Variants in EXOC4 observed in about 807,000 individuals in gnomAD.
EXOC4 encodes the protein SEC8-like 1.
A neutral mutation model predicts 107.2 loss-of-function variants in EXOC4; 71 were observed. That is an observed-to-expected ratio of 0.66 (90% CI 0.55 to 0.81). The LOEUF is 0.81. EXOC4 is among the 30% of genes least tolerant of loss of function. EXOC4 has a pLI of 0.00. For missense variants in EXOC4, 1,108 were observed against 1,189.6 expected (o/e 0.93, Z 1.01); for synonymous variants, 456 against 441.2 (o/e 1.03, Z -0.42).
chr7:134,072,416 A>G, the EXOC4 span, among the ~76,000 whole-genome samples: 1 of 152,100 alleles, frequency 6.6e-6, no homozygotes, highest in Admixed American at 6.5e-5. Flanking sequence ...TTTTCGAGGC[A>G]GGGTCTCGCT....
chr7:133,520,364 C>G (rs761603643), intron 9 of EXOC4, among the ~76,000 whole-genome samples: 4 of 152,158 alleles, frequency 2.6e-5, no homozygotes, highest in Non-Finnish European at 4.4e-5. Flanking sequence ...GGGACAAACA[C>G]AAAGTCTAGT....
chr7:134,093,287 A>G, the EXOC4 span, among the ~76,000 whole-genome samples: 3 of 152,180 alleles, frequency 2.0e-5, no homozygotes, highest in Non-Finnish European at 4.4e-5. Context: ...ATATCAGATA[A>G]AACAGAGTTA....
intron 10 of EXOC4, among the ~76,000 whole-genome samples, chr7:133,730,784 A>G (rs951774975): frequency 2.0e-5 from 3 of 152,262 alleles, no homozygotes; most frequent in Non-Finnish European, 4.4e-5. Flanking sequence ...ATTATGTGCT[A>G]TATTGGTTTT....
chr7:133,560,114 T>C (rs1467360460), intron 9 of EXOC4, among the ~76,000 whole-genome samples: 2 of 152,184 alleles, frequency 1.3e-5, no homozygotes, highest in African/African-American at 2.4e-5. Context: ...AAGTACTTTC[T>C]CATTTTTTTT....
intron 2 of EXOC4, among the ~76,000 whole-genome samples, chr7:133,275,764 A>G (rs746842691): frequency 1.3e-4 from 19 of 151,748 alleles, no homozygotes; most frequent in Non-Finnish European, 2.2e-4. Flanking sequence ...AGAAAATTTA[A>G]CCTACAAATT....
In EXOC4 at chr7:133,989,785, T is replaced by A. The variant is rs561884404; in HGVS notation, c.2207-7707T>A. Among the ~76,000 whole-genome samples, 3 of 152,166 alleles carry A rather than the reference T, an allele frequency of 2.0e-5. No individual in the cohort carries two copies. In the East Asian group the frequency reaches 5.8e-4, roughly 29 times the overall value. ...GAGGTGGGACTGGAGAAAGTCAGTGTTGAGATTCTTTTGAAGTGTTTGTTG... is the reference window on the plus strand; with the variant it reads ...GAGGTGGGACTGGAGAAAGTCAGTGATGAGATTCTTTTGAAGTGTTTGTTG... On this transcript the variant is annotated intron_variant, in intron 14 of 17. Coordinates refer to ENST00000253861, the MANE Select transcript of EXOC4 (RefSeq NM_021807.4).
At chr7:133,336,291 T>G (rs1387740196) in intron 5 of EXOC4, among the ~76,000 whole-genome samples, 1 of 152,188 alleles carries the variant, frequency 6.6e-6, no homozygotes, top group Non-Finnish European at 1.5e-5. Context: ...CCCCTGTGTT[T>G]TCTTCTGAGA....
intron 3 of EXOC4, among the ~76,000 whole-genome samples, chr7:133,295,131 TG>T (rs1406776050): frequency 6.6e-6 from 1 of 152,158 alleles, no homozygotes; most frequent in Admixed American, 6.5e-5. Flanking sequence ...TCTCAAAAAC[TG>T]CCTTTGAGGT....
At chr7:133,920,775 G>A (rs371265700) in intron 13 of EXOC4, among the ~76,000 whole-genome samples, 26 of 151,998 alleles carry the variant, frequency 1.7e-4, no homozygotes, top group Admixed American at 5.2e-4. Flanking sequence ...GTAGATCCAC[G>A]TTTCTGATCT....
chr7:133,558,985 A>T lies in EXOC4; in HGVS notation c.1418-71060A>T, dbSNP rs544924834. Among the ~76,000 whole-genome samples, 13 of 152,322 alleles carry T rather than the reference A, an allele frequency of 8.5e-5. No individual in the cohort carries two copies. In the East Asian group the frequency reaches 2.3e-3, roughly 27 times the overall value. ...TAGGAGGAGAAATTCTTGATAATAT[A>T]TGGGGGCTATGTAAAATGCTTCTCA... is the stretch of plus-strand genomic sequence containing the variant. On this transcript the variant is annotated intron_variant, in intron 9 of 17. Coordinates refer to ENST00000253861, the MANE Select transcript of EXOC4 (RefSeq NM_021807.4).
intron 17 of EXOC4, among the ~76,000 whole-genome samples, chr7:134,058,926 G>A (rs1040046407): frequency 6.6e-6 from 1 of 152,088 alleles, no homozygotes; most frequent in African/African-American, 2.4e-5. Context: ...TATTTAAAAG[G>A]ATTGAAATGC....
intron 11 of EXOC4, among the ~76,000 whole-genome samples, chr7:133,855,302 A>G (rs1798351810): frequency 6.6e-6 from 1 of 151,024 alleles, no homozygotes; most frequent in South Asian, 2.1e-4. Flanking sequence ...CTACTAATCT[A>G]AACCAGAAAA....
At chr7:133,815,913 C>G (rs1027325715) in intron 10 of EXOC4, among the ~76,000 whole-genome samples, 4 of 152,182 alleles carry the variant, frequency 2.6e-5, no homozygotes, top group Non-Finnish European at 5.9e-5. Flanking sequence ...GTACTTTTAT[C>G]TTTGTTGGCC....
At chr7:133,611,800 G>C (rs535592358) in intron 9 of EXOC4, among the ~76,000 whole-genome samples, 2 of 152,246 alleles carry the variant, frequency 1.3e-5, no homozygotes, top group East Asian at 3.9e-4. Flanking sequence ...ATATTTTAGA[G>C]ATTATTGTTA....
intron 9 of EXOC4, among the ~76,000 whole-genome samples, chr7:133,496,405 A>C (rs973079433): frequency 2.0e-5 from 3 of 152,112 alleles, no homozygotes; most frequent in Non-Finnish European, 4.4e-5. Context: ...GGCCTCAAAC[A>C]GTCCTCCTGC....
intron 10 of EXOC4, among the ~76,000 whole-genome samples, chr7:133,790,559 C>T (rs1459621714): frequency 6.6e-6 from 1 of 152,234 alleles, no homozygotes; most frequent in Non-Finnish European, 1.5e-5. Flanking sequence ...CATTATTTCA[C>T]CCAATTTGTA....
intron 10 of EXOC4, among the ~76,000 whole-genome samples, chr7:133,801,891 C>T (rs1796953044): frequency 6.6e-6 from 1 of 152,098 alleles, no homozygotes; most frequent in Admixed American, 6.5e-5. Context: ...TGCATTTTGC[C>T]CACCCACTTT....
intron 9 of EXOC4, among the ~76,000 whole-genome samples, chr7:133,585,178 C>G (rs1053413049): frequency 2.6e-5 from 4 of 152,174 alleles, no homozygotes; most frequent in Non-Finnish European, 4.4e-5. Context: ...ATTCAAGTCT[C>G]ATTTCCTCTT....
At chr7:133,425,536 C>T (rs2150766459) in intron 7 of EXOC4, among the ~76,000 whole-genome samples, 1 of 152,270 alleles carries the variant, frequency 6.6e-6, no homozygotes, top group Non-Finnish European at 1.5e-5. Context: ...ATCCACCCGC[C>T]TCAGCCTCCC....
Sources: allele counts gnomAD v4.1 joint callset (sites outside exome capture counted in the v4.1 genomes callset), GRCh38; gene constraint gnomAD v4.1.1; transcripts MANE v1.5; gene names NCBI Gene and HGNC (gene_info 2026-07-23, HGNC 2026-07-21).